Variants in NUMBL observed in about 807,000 individuals in gnomAD.
The protein encoded by NUMBL is numb-like protein.
A neutral mutation model predicts 48.9 loss-of-function variants in NUMBL; 20 were observed. The observed-to-expected ratio is 0.41, with a 90% CI of 0.29 to 0.59. The LOEUF (loss-of-function observed/expected upper bound fraction) is 0.59. Among genes scored for constraint, NUMBL ranks in the 20% least tolerant of loss-of-function variants. The pLI is 0.31. For missense variants in NUMBL, 660 were observed against 846.2 expected, an observed-to-expected ratio of 0.78 and a Z score of 2.73; for synonymous variants, 340 against 348.7, an observed-to-expected ratio of 0.98 and a Z score of 0.28.
rs769605907 is a variant in NUMBL, at chr19:40,673,557, C to T, written c.823G>A (p.Gly275Ser). 1.9e-6 allele frequency: 3 copies of T among 1,552,272 alleles called. No homozygotes were observed. Among genetic ancestry groups the T allele is most frequent in the Non-Finnish European group, 2.6e-6 (3 of 1,147,456 alleles). The stretch of plus-strand genomic sequence containing the variant: ...GCAGCCACAGGGGTGCCTGCCTCAC[C>T]CTTCTCACCAGGGGATGTGGTGGCT... ...TPATTSPGEKGEAGTPVAAGT... is the reference protein window; with the variant it reads ...TPATTSPGEKSEAGTPVAAGT... Residue 275 changes from glycine (G) to serine (S), a missense_variant, in exon 8 of 10, where the codon GGT becomes AGT. This residue lies in a region of NUMBL where 278 missense variants were observed against 420.6 expected (regional missense o/e 0.66). Coordinates refer to ENST00000252891, the MANE Select transcript of NUMBL (RefSeq NM_004756.5). The surrounding 1 kb of genome is among the most constrained non-coding windows in gnomAD (Gnocchi z 5.9).
At position 40,688,205 on chromosome 19, in the gene NUMBL, G is replaced by A. The variant is rs1200160668; in HGVS notation, c.25-1210C>T. On this transcript the variant is annotated intron_variant, in intron 1 of 9. Transcript: ENST00000252891. The surrounding 1 kb of genome is among the most constrained non-coding windows in gnomAD (Gnocchi z 4.6). ...TCCCGTCACCCAGTGTCCATACACA[G>A]CTGTACCATGTCACTCCAATGCAGC... Among the ~76,000 whole-genome samples, 1 of 152,166 alleles carries A rather than the reference G, an allele frequency of 6.6e-6. No individual in the cohort carries two copies. The highest frequency in any genetic ancestry group is 1.9e-4 in the East Asian group (1 of 5,198).
At chr19:40,684,616 C>G in intron 2 of NUMBL, 60 bp from the exon 3 acceptor site, 1 of 1,537,596 alleles carries the variant, frequency 6.5e-7, no homozygotes, top group Non-Finnish European at 8.8e-7. Flanking sequence ...TGGAGCTCAA[C>G]GGGGAGGGAC....
At position 40,684,425 on chromosome 19, in the gene NUMBL, G is replaced by A; in HGVS notation, c.241C>T (p.Pro81Ser). 6.4e-7 allele frequency: 1 copy of A among 1,566,556 alleles called. No individual in the cohort carries two copies. The highest frequency in any genetic ancestry group is 8.6e-7 in the Non-Finnish European group (1 of 1,160,264). ...DAVRKGTCSFPVRYLGHVEVE... is the reference protein window; with the variant it reads ...DAVRKGTCSFSVRYLGHVEVE... ...CTGCCGCGCCCACTCACCCTGACCG[G>A]GAAGCTGCACGTGCCCTTCCGCACC... is the stretch of plus-strand genomic sequence containing the variant. Residue 81 changes from proline to serine, a missense_variant, in exon 3 of 10, where the codon CCG (proline) becomes TCG (serine). Coordinates refer to ENST00000252891, the MANE Select transcript of NUMBL (RefSeq NM_004756.5).
rs760631673 is a variant in NUMBL at position 40,688,941 on chromosome 19, C to G, written c.24+1519G>C. On this transcript the variant is annotated intron_variant, in intron 1 of 9. Transcript: ENST00000252891. The surrounding 1 kb of genome is among the most constrained non-coding windows in gnomAD (Gnocchi z 4.6). ...ATGGTTCTGCATACGCAACCACTGTCATACACAATACTGTCACACAACCCC... is the reference window on the plus strand; with the variant it reads ...ATGGTTCTGCATACGCAACCACTGTGATACACAATACTGTCACACAACCCC... Among the ~76,000 whole-genome samples, 7 of 152,224 alleles carry G rather than the reference C, an allele frequency of 4.6e-5. No individual in the cohort carries two copies. Among genetic ancestry groups the G allele is most frequent in the Non-Finnish European group, 7.3e-5 (5 of 68,038 alleles).
intron 6 of NUMBL, among the ~76,000 whole-genome samples, chr19:40,679,086 C>T (rs1473420112): frequency 5.9e-5 from 9 of 151,412 alleles, no homozygotes; most frequent in Non-Finnish European, 1.0e-4. Flanking sequence ...AGCGAGACTC[C>T]GTCTCAAAAA....
In NUMBL at chr19:40,682,405, G is replaced by A. The variant is rs181829030; in HGVS notation, c.399+323C>T. ...CTCCCAAAGTACTGGGATTACAGGC[G>A]TGAGCCACCACTCCCGGCCTATAAT... On this transcript the variant is annotated intron_variant, in intron 5 of 9. Transcript: ENST00000252891. The surrounding 1 kb of genome is among the most constrained non-coding windows in gnomAD (Gnocchi z 4.0). Among the ~76,000 whole-genome samples, 4 of 152,278 alleles carry A rather than the reference G, an allele frequency of 2.6e-5. No homozygotes were observed. The highest frequency in any genetic ancestry group is 1.3e-4 in the Admixed American group (2 of 15,282).
In NUMBL at chr19:40,675,576, A is replaced by AACACACAC. The variant is rs3071383; in HGVS notation, c.730+1648_730+1655dup. Among the ~76,000 whole-genome samples the AACACACAC allele has an allele frequency of 2.4e-3, 337 of 142,388 alleles. 5 individuals carry two copies. The highest frequency in any genetic ancestry group is 7.3e-3 in the African/African-American group (280 of 38,522). The allele number at this position is 142,388 out of a possible 152,430, so 93.4% of individuals were successfully genotyped here. A position where few individuals can be genotyped will look rare whatever the true frequency, so the allele number is the denominator to read the frequency against. On this transcript the variant is annotated intron_variant, in intron 7 of 9. Transcript: ENST00000252891. ...AGGACATACATACAATTATATTTTA[A>AACACACAC]ACACACACACACACACACACACACA...
chr19:40,684,635 A>G lies in NUMBL; in HGVS notation c.110-79T>C, dbSNP rs2081924934. 4.0e-6 allele frequency: 6 copies of G among 1,501,634 alleles called. No individual in the cohort carries two copies. The Admixed American group carries it at 1.3e-4, about 32-fold the overall frequency. 93.0% of individuals were successfully genotyped at this position (1,501,634 alleles called of 1,614,324 possible). A position where few individuals can be genotyped will look rare whatever the true frequency, so the allele number is the denominator to read the frequency against. On this transcript the variant is annotated intron_variant, in intron 2 of 9. Transcript: ENST00000252891. ...GCTCAACGGGGAGGGACCAGTGCTC[A>G]GGGAGCATGGGGTCAGATAACAAGA... is the stretch of plus-strand genomic sequence containing the variant.
intron 6 of NUMBL, among the ~76,000 whole-genome samples, chr19:40,679,814 GTA>G (rs1002862018): frequency 1.3e-5 from 2 of 152,118 alleles, no homozygotes; most frequent in African/African-American, 4.8e-5. Flanking sequence ...GGGGGCTGGG[GTA>G]GTGGGGAGAC....
chr19:40,685,402 G>A (rs1296462510), intron 2 of NUMBL: 1 of 154,124 alleles, frequency 6.5e-6, no homozygotes, highest in Non-Finnish European at 1.5e-5. Context: ...ATGTCTGTGA[G>A]TGTGTTTCTG....
intron 9 of NUMBL, among the ~76,000 whole-genome samples, chr19:40,668,796 A>T (rs1186590356): frequency 6.6e-6 from 1 of 152,192 alleles, no homozygotes; most frequent in African/African-American, 2.4e-5. Flanking sequence ...TGATTTTCTA[A>T]TACCTTCAGA....
rs769479524 is a variant in NUMBL at position 40,682,993 on chromosome 19, G to GGC, written c.250-26_250-25insGC. The GGC allele has an allele frequency of 1.9e-6, 3 of 1,606,832 alleles. No homozygotes were observed. Among genetic ancestry groups the GGC allele is most frequent in the South Asian group, 2.2e-5 (2 of 90,970 alleles). ...ACTTGGGTTGGAGGGAATGGGGGGG[G>GGC]GGACATGAAACAGCACAGTAATCAC... On this transcript the variant is annotated intron_variant, in intron 3 of 9. Coordinates refer to ENST00000252891, the MANE Select transcript of NUMBL (RefSeq NM_004756.5). The surrounding 1 kb of genome is among the most constrained non-coding windows in gnomAD (Gnocchi z 4.0).
At chr19:40,684,591 G>C (rs558111971) in intron 2 of NUMBL, 35 bp from the exon 3 acceptor site, 1 of 1,576,174 alleles carries the variant, frequency 6.3e-7, no homozygotes, top group African/African-American at 1.4e-5. Flanking sequence ...GGTCAAGGGT[G>C]GGGGTCAGAA....
chr19:40,683,277 C>A (rs897987953), intron 3 of NUMBL, among the ~76,000 whole-genome samples: 1 of 152,152 alleles, frequency 6.6e-6, no homozygotes, highest in African/African-American at 2.4e-5. Flanking sequence ...GGCCACAGGC[C>A]ATGCAAAGCT....
chr19:40,683,686 C>T (rs942797459), intron 3 of NUMBL, among the ~76,000 whole-genome samples: 3 of 152,344 alleles, frequency 2.0e-5, no homozygotes, highest in Admixed American at 6.5e-5. Flanking sequence ...ATGGCTAAAC[C>T]AGAACGTCCT....
chr19:40,685,074 A>T (rs1225804050), intron 2 of NUMBL: 1 of 158,178 alleles, frequency 6.3e-6, no homozygotes, highest in East Asian at 1.9e-4. Context: ...AGTCAGGTGC[A>T]TGGGGTATGG....
In NUMBL at chr19:40,667,513, G is replaced by A; in HGVS notation, c.1785C>T (p.Asn595=). Residue 595 remains asparagine (N), a synonymous_variant, in exon 10 of 10, where the codon AAC becomes AAT. Transcript: ENST00000252891. The surrounding 1 kb of genome is among the most constrained non-coding windows in gnomAD (Gnocchi z 6.1). Reference sequence around the variant, plus strand: ...TCTTTTGCAGGTCGCCAGAAAAGGGGTTGGAGGGTTTCTCTACAGTGGCTT... The same window carrying A: ...TCTTTTGCAGGTCGCCAGAAAAGGGATTGGAGGGTTTCTCTACAGTGGCTT... ...EGKATVEKPS[N]PFSGDLQKTF... 6.3e-7 allele frequency: 1 copy of A among 1,591,264 alleles called. No homozygotes were observed.
rs1014060272 is a variant in NUMBL, at chr19:40,676,528, G to A, written c.730+704C>T. On this transcript the variant is annotated intron_variant, in intron 7 of 9. Transcript: ENST00000252891. ...GAGGTCAGGAGTTGAGGCCAACATG[G>A]TGAAACCCCATCTCTACTAAAAATA... Among the ~76,000 whole-genome samples, 5 of 151,964 alleles carry A rather than the reference G, an allele frequency of 3.3e-5. No homozygotes were observed. In the South Asian group the frequency reaches 1.0e-3, roughly 32 times the overall value.
intron 9 of NUMBL, among the ~76,000 whole-genome samples, chr19:40,668,353 T>C (rs2081828152): frequency 6.6e-6 from 1 of 152,162 alleles, no homozygotes; most frequent in South Asian, 2.1e-4. Context: ...GCTAAGAACA[T>C]ACAATTCTGA....
Sources: allele counts gnomAD v4.1 joint callset (sites outside exome capture counted in the v4.1 genomes callset), GRCh38; gene constraint gnomAD v4.1.1; regional missense constraint gnomAD v4.1.1; non-coding constraint Gnocchi (gnomAD v3.1); transcripts MANE v1.5; gene names NCBI Gene and HGNC (gene_info 2026-07-23, HGNC 2026-07-21).